Variants in TIAM2 observed in about 807,000 individuals in gnomAD.
TIAM2 encodes the protein TIAM Rac1 associated GEF 2, also known as rho guanine nucleotide exchange factor TIAM2.
Under a neutral mutation model 152.9 loss-of-function variants are expected in TIAM2, and 80 were observed. The observed-to-expected ratio is 0.52, with a 90% CI of 0.44 to 0.63. TIAM2 has a LOEUF of 0.63. Ranked by LOEUF, TIAM2 falls within the 30% of genes least tolerant of loss-of-function variation. The pLI, the probability that TIAM2 is intolerant of heterozygous loss-of-function variation, is 0.00. For synonymous variants in TIAM2, 804 were observed against 838.0 expected, an observed-to-expected ratio of 0.96 and a Z score of 0.70; for missense variants, 1,965 against 2,120.1, an observed-to-expected ratio of 0.93 and a Z score of 1.44.
intron 1 of TIAM2, among the ~76,000 whole-genome samples, chr6:155,034,246 GT>G (rs796993083): frequency 2.9e-4 from 44 of 149,594 alleles, no homozygotes; most frequent in African/African-American, 1.1e-3. Flanking sequence ...GGGTCCATTG[GT>G]TTTTTTGTTT....
chr6:155,165,546 T>G, intron 9 of TIAM2, 137 bp downstream of exon 9: 1 of 1,252,768 alleles, frequency 8.0e-7, no homozygotes, highest in Non-Finnish European at 1.1e-6. Context: ...ACGCCTGTAA[T>G]TCTAGCACAC....
rs1361238939 is a variant in TIAM2 at position 155,253,129 on chromosome 6, AC to A, written c.4225+78del. On this transcript the variant is annotated intron_variant, in intron 24 of 26. Transcript: ENST00000682666. ...ACTGTGGAATGTAAATTAAGAAAGGACCTTGGGGATAATTTTTGGTGCCTTT... is the reference window on the plus strand; with the variant it reads ...ACTGTGGAATGTAAATTAAGAAAGGACTTGGGGATAATTTTTGGTGCCTTT... 3 of 1,267,154 alleles carry A rather than the reference AC, an allele frequency of 2.4e-6. No homozygotes were observed. The Admixed American group carries it at 6.1e-5, about 26-fold the overall frequency. 78.5% of individuals were successfully genotyped at this position (1,267,154 alleles called of 1,614,324 possible). A position where few individuals can be genotyped will look rare whatever the true frequency, so the allele number is the denominator to read the frequency against.
chr6:155,072,080 G>C (rs1396241471), intron 1 of TIAM2, among the ~76,000 whole-genome samples: 2 of 152,092 alleles, frequency 1.3e-5, no homozygotes, highest in African/African-American at 4.8e-5. Flanking sequence ...GGAACACATG[G>C]TATGATGTGG....
At chr6:155,177,068 G>A in intron 10 of TIAM2, 91 bp downstream of exon 10, 1 of 1,332,996 alleles carries the variant, frequency 7.5e-7, no homozygotes, top group Non-Finnish European at 1.0e-6. Flanking sequence ...TGATATTCAA[G>A]GGCCCAGTTT....
intron 1 of TIAM2, among the ~76,000 whole-genome samples, chr6:155,087,550 A>G (rs1371705632): frequency 6.6e-6 from 1 of 151,930 alleles, no homozygotes; most frequent in Non-Finnish European, 1.5e-5. Flanking sequence ...GGAGTTCGAG[A>G]CCAGCCTGGC....
intron 14 of TIAM2, among the ~76,000 whole-genome samples, chr6:155,206,428 G>C (rs1010182720): frequency 1.3e-5 from 2 of 152,072 alleles, no homozygotes; most frequent in African/African-American, 4.8e-5. Context: ...GTAGAGATGG[G>C]GTTTCACCAT....
intron 1 of TIAM2, among the ~76,000 whole-genome samples, chr6:155,057,000 G>A: frequency 8.7e-6 from 1 of 115,234 alleles, no homozygotes; most frequent in Admixed American, 9.9e-5. Flanking sequence ...CTAGTAGAAT[G>A]TTCCTCAGTT....
intron 2 of TIAM2, among the ~76,000 whole-genome samples, chr6:155,097,123 T>C (rs1195488936): frequency 1.3e-5 from 2 of 152,234 alleles, no homozygotes. Context: ...CATTTTTTCA[T>C]GTACCTGTTG....
At position 155,008,922 on chromosome 6, in the gene TIAM2, A is replaced by G. The variant is rs189791710; in HGVS notation, c.-209+13430A>G. Among the ~76,000 whole-genome samples, 93 of 152,164 alleles carry G rather than the reference A, an allele frequency of 6.1e-4. 1 individual carries two copies. Among genetic ancestry groups the G allele is most frequent in the South Asian group, 2.7e-3 (13 of 4,814 alleles). On this transcript the variant is annotated intron_variant, in intron 1 of 26. Coordinates refer to ENST00000682666, the MANE Select transcript of TIAM2 (RefSeq NM_012454.4). ...GTTTTGGGGCAGTTGCTTAGCATGT[A>G]CTGCCTTGGAGTTGTAGGATTGAAA...
intron 1 of TIAM2, among the ~76,000 whole-genome samples, chr6:155,057,815 G>T (rs1256401405): frequency 6.6e-6 from 1 of 151,868 alleles, no homozygotes; most frequent in Non-Finnish European, 1.5e-5. Flanking sequence ...CAAAATGCTG[G>T]GGTTACAGGC....
intron 11 of TIAM2, 102 bp from the exon 12 acceptor site, chr6:155,179,276 T>C: frequency 7.0e-7 from 1 of 1,432,118 alleles, no homozygotes; most frequent in South Asian, 1.2e-5. Flanking sequence ...ATATAAACGG[T>C]ATCTTAACAG....
At position 155,129,358 on chromosome 6, in the gene TIAM2, A is replaced by G. The variant is rs990062937; in HGVS notation, c.135A>G (p.Gly45=). Residue 45 remains glycine, a synonymous_variant, in exon 4 of 27, where the codon GGA becomes GGG. Transcript: ENST00000682666. The surrounding 1 kb of genome is among the most constrained non-coding windows in gnomAD (Gnocchi z 4.8). ...IHAKEEKSLH[G]WGHGSNGAGY... ...CAAAAGAGGAAAAGTCATTGCATGGATGGGGTCACGGAAGCAACGGAGCAG... is the reference window on the plus strand; with the variant it reads ...CAAAAGAGGAAAAGTCATTGCATGGGTGGGGTCACGGAAGCAACGGAGCAG... 2 of 1,614,074 alleles carry G rather than the reference A, an allele frequency of 1.2e-6. No homozygotes were observed. The highest frequency in any genetic ancestry group is 2.7e-5 in the African/African-American group (2 of 74,926).
intron 1 of TIAM2, among the ~76,000 whole-genome samples, chr6:155,042,711 C>T (rs973928217): frequency 1.3e-5 from 2 of 152,118 alleles, no homozygotes; most frequent in Non-Finnish European, 2.9e-5. Context: ...CATATATATA[C>T]ATACATTGTG....
chr6:155,104,058 C>CCCCCCCACACA (rs1778620589), intron 2 of TIAM2, among the ~76,000 whole-genome samples: 1 of 60,324 alleles, frequency 1.7e-5, no homozygotes, highest in African/African-American at 7.6e-5. Flanking sequence ...CCCCACACCC[C>CCCCCCCACACA]CACACACCCC....
chr6:155,009,006 C>G (rs1248430087), intron 1 of TIAM2, among the ~76,000 whole-genome samples: 2 of 150,130 alleles, frequency 1.3e-5, no homozygotes, highest in African/African-American at 2.4e-5. Flanking sequence ...CAGAGGTTCT[C>G]AAACTTCAGG....
At chr6:155,109,636 A>G (rs911968043) in intron 2 of TIAM2, among the ~76,000 whole-genome samples, 1 of 152,198 alleles carries the variant, frequency 6.6e-6, no homozygotes, top group African/African-American at 2.4e-5. Flanking sequence ...AACATATTGA[A>G]CACTCATTTT....
chr6:155,159,628 A>G (rs1373889941), intron 7 of TIAM2, among the ~76,000 whole-genome samples: 2 of 152,110 alleles, frequency 1.3e-5, no homozygotes, highest in East Asian at 1.9e-4. Context: ...GTCTGTTGTG[A>G]GCCTTTGGGT....
chr6:155,137,137 G>C, intron 4 of TIAM2, 40 bp from the exon 5 acceptor site: 1 of 1,588,378 alleles, frequency 6.3e-7, no homozygotes. Context: ...GCTTTGGATA[G>C]CCGTAAGCTC....
At chr6:155,053,265 G>A (rs1360160501) in intron 1 of TIAM2, among the ~76,000 whole-genome samples, 2 of 152,272 alleles carry the variant, frequency 1.3e-5, no homozygotes, top group East Asian at 3.9e-4. Context: ...GTAAGATGGT[G>A]GCATTTGGAG....
Sources: gnomAD v4.1 joint callset for allele counts (sites outside exome capture counted in the v4.1 genomes callset) on GRCh38, gnomAD v4.1.1 for gene constraint, Gnocchi (gnomAD v3.1) non-coding constraint, MANE v1.5 for transcripts, NCBI Gene and HGNC (gene_info 2026-07-23, HGNC 2026-07-21) for gene names.